WAC: variants seen among roughly 807,000 people sequenced by gnomAD.
WAC encodes WW domain-containing adapter protein with coiled-coil.
WAC carries 11 observed loss-of-function variants against 79.6 expected under a neutral mutation model. The observed-to-expected ratio is 0.14, with a 90% CI of 0.09 to 0.23. The LOEUF is 0.23. Ranked by LOEUF, WAC falls within the 10% of genes least tolerant of loss-of-function variation. WAC has a pLI of 1.00. For missense variants in WAC, 728 were observed against 773.5 expected, an observed-to-expected ratio of 0.94 and a Z score of 0.70; for synonymous variants, 304 against 276.9, an observed-to-expected ratio of 1.10 and a Z score of -0.97.
intron 3 of WAC, among the ~76,000 whole-genome samples, chr10:28,575,040 T>A (rs1407738846): frequency 6.6e-6 from 1 of 152,198 alleles, no homozygotes; most frequent in Non-Finnish European, 1.5e-5. Context: ...AACCCAGGAT[T>A]ATAGTACTTG....
chr10:28,561,780 C>T (rs1013079444), intron 3 of WAC, among the ~76,000 whole-genome samples: 6 of 152,142 alleles, frequency 3.9e-5, no homozygotes, highest in African/African-American at 1.2e-4. Flanking sequence ...AGATCAGCCA[C>T]GGCATTAGAT....
chr10:28,597,033 TTTTA>T (rs1383410625), intron 7 of WAC, among the ~76,000 whole-genome samples: 1 of 151,920 alleles, frequency 6.6e-6, no homozygotes, highest in Non-Finnish European at 1.5e-5. Flanking sequence ...TATAAATACA[TTTTA>T]TTTGAAATTT....
chr10:28,579,352 C>A (rs1373466855), intron 3 of WAC, among the ~76,000 whole-genome samples: 3 of 152,000 alleles, frequency 2.0e-5, no homozygotes, highest in Non-Finnish European at 2.9e-5. Flanking sequence ...AAAAAGTACC[C>A]TTTATGCACT....
At chr10:28,584,687 A>C (rs1839720992) in intron 4 of WAC, among the ~76,000 whole-genome samples, 1 of 152,154 alleles carries the variant, frequency 6.6e-6, no homozygotes. Context: ...AGACCTTCAG[A>C]TTTTATTTTT....
At chr10:28,601,098 G>A (rs571335084) in intron 7 of WAC, among the ~76,000 whole-genome samples, 24 of 152,158 alleles carry the variant, frequency 1.6e-4, no homozygotes, top group South Asian at 1.5e-3. Context: ...ATTGGACTTC[G>A]TCAGTATTAA....
In WAC at chr10:28,590,761, G is replaced by C. The variant is rs756659044; in HGVS notation, c.539G>C (p.Ser180Thr). The change falls in exon 6 of 14, where the codon AGC (serine) becomes ACC (threonine). Residue 180 changes from serine to threonine, a missense_variant. Transcript: ENST00000354911. ...GAAGCAAACAAGATGGCAGTCAACA[G>C]CTTCCCAAAAGATAGGGATTACAGA... The part of the protein sequence containing the change: ...QKEANKMAVN[S>T]FPKDRDYRRE... 2 of 1,611,682 alleles carry C rather than the reference G, an allele frequency of 1.2e-6. No homozygotes were observed. The highest frequency in any genetic ancestry group is 1.7e-6 in the Non-Finnish European group (2 of 1,179,380).
At chr10:28,598,160 G>A (rs1002157875) in intron 7 of WAC, among the ~76,000 whole-genome samples, 1 of 152,156 alleles carries the variant, frequency 6.6e-6, no homozygotes, top group Non-Finnish European at 1.5e-5. Flanking sequence ...AATTGTGTCG[G>A]CTCCTTGCTT....
intron 7 of WAC, among the ~76,000 whole-genome samples, chr10:28,601,489 G>A (rs1840645788): frequency 6.6e-6 from 1 of 152,058 alleles, no homozygotes; most frequent in South Asian, 2.1e-4. Flanking sequence ...AGCTACTCTG[G>A]AATACAGTTC....
chr10:28,534,312 T>C (rs1836488861), intron 2 of WAC: 1 of 388,376 alleles, frequency 2.6e-6, no homozygotes, highest in African/African-American at 2.1e-5. Flanking sequence ...ATTTGATTAT[T>C]TGCGAGTGAA....
chr10:28,597,892 T>C (rs898402688), intron 7 of WAC, among the ~76,000 whole-genome samples: 5 of 152,224 alleles, frequency 3.3e-5, no homozygotes, highest in African/African-American at 4.8e-5. Flanking sequence ...GTTTTAATTG[T>C]AAAAATCTTT....
chr10:28,579,629 C>T (rs566386726), intron 3 of WAC, among the ~76,000 whole-genome samples: 6 of 152,262 alleles, frequency 3.9e-5, no homozygotes, highest in South Asian at 4.1e-4. Flanking sequence ...CACTTCTTTT[C>T]GGTATGGCTC....
At chr10:28,606,182 C>T (rs1840939121) in intron 7 of WAC, among the ~76,000 whole-genome samples, 1 of 152,080 alleles carries the variant, frequency 6.6e-6, no homozygotes, top group Non-Finnish European at 1.5e-5. Flanking sequence ...TCCTGAGTAG[C>T]TGGGACCACA....
chr10:28,572,985 C>T (rs1339192530), intron 3 of WAC, among the ~76,000 whole-genome samples: 3 of 152,186 alleles, frequency 2.0e-5, no homozygotes, highest in Admixed American at 6.5e-5. Flanking sequence ...CAAGTGACCA[C>T]AGGTGGGCCC....
At chr10:28,603,264 AT>A (rs2132759339) in intron 7 of WAC, among the ~76,000 whole-genome samples, 1 of 152,292 alleles carries the variant, frequency 6.6e-6, no homozygotes, top group African/African-American at 2.4e-5. Context: ...TTTTAAGAAA[AT>A]TTACAAATTT....
chr10:28,590,868 T>G, intron 6 of WAC, 36 bp downstream of exon 6: 1 of 1,475,664 alleles, frequency 6.8e-7, no homozygotes, highest in Non-Finnish European at 9.3e-7. Context: ...AATGTATGTT[T>G]GACTTATTCG....
chr10:28,548,979 CA>C (rs552792958), intron 3 of WAC, among the ~76,000 whole-genome samples: 1 of 152,024 alleles, frequency 6.6e-6, no homozygotes, highest in East Asian at 1.9e-4. Context: ...ACTGCAGCCT[CA>C]AAAAAACTCC....
chr10:28,581,336 C>T (rs1372274968), intron 3 of WAC, among the ~76,000 whole-genome samples: 1 of 146,318 alleles, frequency 6.8e-6, no homozygotes, highest in Non-Finnish European at 1.5e-5. Context: ...ATTCCCCTGC[C>T]TCTACCTCCT....
chr10:28,594,329 T>C (rs1840244670), intron 6 of WAC, among the ~76,000 whole-genome samples: 1 of 152,228 alleles, frequency 6.6e-6, no homozygotes, highest in Non-Finnish European at 1.5e-5. Context: ...TTATTCCTGC[T>C]ATGTCTGTCT....
At chr10:28,565,214 A>C (rs1838534705) in intron 3 of WAC, among the ~76,000 whole-genome samples, 1 of 152,242 alleles carries the variant, frequency 6.6e-6, no homozygotes, top group African/African-American at 2.4e-5. Context: ...TACGCCATTG[A>C]AGGAAATGTG....
Sources: gnomAD v4.1 joint callset for allele counts (sites outside exome capture counted in the v4.1 genomes callset) on GRCh38, gnomAD v4.1.1 for gene constraint, MANE v1.5 for transcripts, NCBI Gene and HGNC (gene_info 2026-07-23, HGNC 2026-07-21) for gene names.